Variants in FYB1 observed in about 807,000 individuals in gnomAD.
The protein encoded by FYB1 is FYN binding protein 1, also known as FYN-binding protein 1.
Under a neutral mutation model 94.1 loss-of-function variants are expected in FYB1, and 41 were observed. The ratio of observed to expected loss-of-function variants is 0.44; its 90% CI spans 0.34 to 0.57. The LOEUF (loss-of-function observed/expected upper bound fraction) is 0.57, where lower values mean the gene tolerates loss of function less well. FYB1 is among the 20% of genes least tolerant of loss of function. FYB1 has a pLI of 0.02. For synonymous variants in FYB1, 367 were observed against 353.2 expected (o/e 1.04, Z -0.44); for missense variants, 1,050 against 976.8 (o/e 1.07, Z -1.00).
upstream of FYB1, among the ~76,000 whole-genome samples, chr5:39,223,158 G>A (rs1320792376): frequency 1.3e-5 from 2 of 151,448 alleles, no homozygotes; most frequent in Admixed American, 6.6e-5. Flanking sequence ...AAAAATAAAA[G>A]CAAAAGCATT....
At chr5:39,185,597 CAT>C (rs1200033416) in intron 2 of FYB1, among the ~76,000 whole-genome samples, 48 of 141,382 alleles carry the variant, frequency 3.4e-4, no homozygotes, top group Admixed American at 7.2e-4. Flanking sequence ...CATATATATA[CAT>C]ATATATACAC....
intron 18 of FYB1, among the ~76,000 whole-genome samples, chr5:39,107,677 A>G (rs1012432404): frequency 6.6e-6 from 1 of 151,998 alleles, no homozygotes; most frequent in African/African-American, 2.4e-5. Flanking sequence ...GGACAGATTT[A>G]TTCTCTATTA....
chr5:39,139,212 G>A, intron 5 of FYB1, 21 bp downstream of exon 5: 1 of 1,457,554 alleles, frequency 6.9e-7, no homozygotes, highest in South Asian at 1.3e-5. Context: ...AATATAATAT[G>A]AGAAGAGAAA....
intron 1 of FYB1, among the ~76,000 whole-genome samples, chr5:39,264,295 G>A (rs879391441): frequency 4.6e-5 from 7 of 152,170 alleles, no homozygotes; most frequent in Non-Finnish European, 8.8e-5. Flanking sequence ...GGTATGTGAG[G>A]ACACAGCAAG....
chr5:39,122,567 G>A (rs1740229523), intron 13 of FYB1, among the ~76,000 whole-genome samples, 165 bp from the exon 14 acceptor site: 1 of 152,032 alleles, frequency 6.6e-6, no homozygotes, highest in Non-Finnish European at 1.5e-5. Flanking sequence ...TCTGAAAGGG[G>A]AGAGGTTATT....
chr5:39,237,604 T>G (rs1751025601), intron 1 of FYB1, among the ~76,000 whole-genome samples: 1 of 152,086 alleles, frequency 6.6e-6, no homozygotes, highest in Admixed American at 6.6e-5. Context: ...AGTGCCAGAC[T>G]GGATATAAGG....
At chr5:39,241,326 GATAA>G (rs1438816588) in intron 1 of FYB1, among the ~76,000 whole-genome samples, 3 of 152,244 alleles carry the variant, frequency 2.0e-5, no homozygotes, top group Admixed American at 2.0e-4. Flanking sequence ...ATAAAAGTTA[GATAA>G]ATAAATAAAT....
chr5:39,208,345 C>T (rs1749041887), intron 1 of FYB1, among the ~76,000 whole-genome samples: 1 of 152,264 alleles, frequency 6.6e-6, no homozygotes, highest in Non-Finnish European at 1.5e-5. Context: ...AAAATGACTT[C>T]ATTTGATTGC....
intron 9 of FYB1, 85 bp from the exon 10 acceptor site, chr5:39,130,697 C>A (rs1252156385): frequency 1.9e-6 from 2 of 1,057,492 alleles, no homozygotes; most frequent in East Asian, 5.3e-5. Context: ...ATTAGTTATT[C>A]AAAAGAGAAA....
intron 2 of FYB1, among the ~76,000 whole-genome samples, chr5:39,189,320 T>C (rs1747151931): frequency 1.3e-5 from 2 of 151,888 alleles, no homozygotes; most frequent in African/African-American, 4.8e-5. Context: ...TCACATCAAT[T>C]TGGGACAACT....
intron 1 of FYB1, among the ~76,000 whole-genome samples, chr5:39,234,375 G>A (rs1750868558): frequency 6.6e-6 from 1 of 152,028 alleles, no homozygotes; most frequent in African/African-American, 2.4e-5. Context: ...CCATGTCCTA[G>A]GCAATGTGAT....
chr5:39,193,644 G>A (rs193200237), intron 2 of FYB1, among the ~76,000 whole-genome samples: 24 of 152,296 alleles, frequency 1.6e-4, no homozygotes, highest in African/African-American at 5.5e-4. Flanking sequence ...GAAGCAAACT[G>A]TAAGGTGAGT....
At chr5:39,200,354 A>C (rs1748201585) in intron 2 of FYB1, among the ~76,000 whole-genome samples, 1 of 152,156 alleles carries the variant, frequency 6.6e-6, no homozygotes, top group Admixed American at 6.5e-5. Flanking sequence ...GCCACCACCC[A>C]CACTGGAGCG....
chr5:39,119,385 T>C (rs1739871496), intron 15 of FYB1, 150 bp downstream of exon 15: 1 of 521,340 alleles, frequency 1.9e-6, no homozygotes, highest in Non-Finnish European at 3.3e-6. Context: ...TTATAACGGC[T>C]AACTGTAATA....
In FYB1 at chr5:39,265,352, C is replaced by A. The variant is rs540807299; in HGVS notation, c.-28+9051G>T. Among the ~76,000 whole-genome samples the A allele has an allele frequency of 2.0e-5, 3 of 152,134 alleles. No individual in the cohort carries two copies. The East Asian group carries it at 5.8e-4, about 29-fold the overall frequency. ...AAAAAAAATTAGCCAGTTGTGATGGCGGGCGCTTACAGTCCCAGCTACTCA... is the reference window on the plus strand; with the variant it reads ...AAAAAAAATTAGCCAGTTGTGATGGAGGGCGCTTACAGTCCCAGCTACTCA... On this transcript the variant is annotated intron_variant, in intron 1 of 1. Coordinates refer to the FYB1 transcript ENST00000510188.
At chr5:39,238,261 C>CTG (rs573852052) in intron 1 of FYB1, among the ~76,000 whole-genome samples, 16 of 151,328 alleles carry the variant, frequency 1.1e-4, no homozygotes, top group African/African-American at 3.2e-4. Flanking sequence ...TATAATATAT[C>CTG]TGTGTGTGTG....
chr5:39,143,313 C>T (rs1370992185), intron 3 of FYB1, among the ~76,000 whole-genome samples: 2 of 152,168 alleles, frequency 1.3e-5, no homozygotes, highest in East Asian at 3.9e-4. Flanking sequence ...TATCAAGCAG[C>T]AACTCATCCT....
rs142530478 is a variant in FYB1 at position 39,156,023 on chromosome 5, G to A, written c.1136-2419C>T. Among the ~76,000 whole-genome samples the A allele has an allele frequency of 3.9e-3, 601 of 152,194 alleles. 3 individuals are homozygous for A. Among genetic ancestry groups the A allele is most frequent in the Non-Finnish European group, 6.2e-3 (423 of 68,010 alleles). On this transcript the variant is annotated intron_variant, in intron 2 of 18. Transcript: ENST00000512982. ...CTCTGTGAGTAGATGTTAATAAACC[G>A]TCCAAATAGAGAGAAAAATATTTAT...
intron 1 of FYB1, among the ~76,000 whole-genome samples, chr5:39,215,479 A>C (rs909121903): frequency 2.6e-5 from 4 of 152,140 alleles, no homozygotes; most frequent in Non-Finnish European, 1.5e-5. Flanking sequence ...TTAAAGCAGC[A>C]CTTGCTGTGT....
Sources: allele counts gnomAD v4.1 joint callset (sites outside exome capture counted in the v4.1 genomes callset), GRCh38; gene constraint gnomAD v4.1.1; transcripts MANE v1.5; gene names NCBI Gene and HGNC (gene_info 2026-07-23, HGNC 2026-07-21).